CLUH: variants seen among roughly 807,000 people sequenced by gnomAD.
CLUH encodes clustered mitochondria protein homolog.
A neutral mutation model predicts 139.3 loss-of-function variants in CLUH; 77 were observed. That is an observed-to-expected ratio of 0.55 (90% confidence interval 0.46 to 0.67). The LOEUF (loss-of-function observed/expected upper bound fraction) is 0.67. Among genes scored for constraint, CLUH ranks in the 30% least tolerant of loss-of-function variants. CLUH has a pLI of 0.00. For synonymous variants in CLUH, 999 were observed against 801.6 expected, an observed-to-expected ratio of 1.25 and a Z score of -4.16; for missense variants, 1,876 against 1,875.8, an observed-to-expected ratio of 1.00 and a Z score of 0.00.
rs1028342589 is a variant in CLUH, at chr17:2,704,863, C to T, written c.101-299G>A. The stretch of plus-strand genomic sequence containing the variant: ...TCAAGCCAAGCCCGAGGGTCTCCTC[C>T]GGCCCTAACACACCTAGCTTCCCAG... On this transcript the variant is annotated intron_variant, in intron 1 of 25. Coordinates refer to ENST00000651024, the MANE Select transcript of CLUH (RefSeq NM_001366661.1). This position sits in a 1 kb window ranked among gnomAD's most constrained non-coding sequence, Gnocchi z 5.7. Among the ~76,000 whole-genome samples, 5 of 152,124 alleles carry T rather than the reference C, an allele frequency of 3.3e-5. No individual in the cohort carries two copies. The highest frequency in any genetic ancestry group is 2.6e-4 in the Admixed American group (4 of 15,280).
chr17:2,707,319 G>C lies in CLUH; in HGVS notation c.101-2755C>G, dbSNP rs2070379110. The C allele has an allele frequency of 6.1e-6, 6 of 985,418 alleles. No individual in the cohort carries two copies. The highest frequency in any genetic ancestry group is 5.2e-5 in the African/African-American group (3 of 57,360). The allele number at this position is 985,418 out of a possible 1,614,324, so 61.0% of individuals were successfully genotyped here. A position where few individuals can be genotyped will look rare whatever the true frequency, so the allele number is the denominator to read the frequency against. On this transcript the variant is annotated intron_variant, in intron 1 of 25. Transcript: ENST00000651024. The surrounding 1 kb of genome is among the most constrained non-coding windows in gnomAD (Gnocchi z 7.4). ...CGCTACCCTTGCCCTAATGCAGCCA[G>C]TCGGCCCGGGGCTGGAGCTCCGGCT...
In CLUH at chr17:2,706,138, G is replaced by A. The variant is rs762246325; in HGVS notation, c.101-1574C>T. Among the ~76,000 whole-genome samples, 1 of 152,080 alleles carries A rather than the reference G, an allele frequency of 6.6e-6. No individual in the cohort carries two copies. Among genetic ancestry groups the A allele is most frequent in the Non-Finnish European group, 1.5e-5 (1 of 68,014 alleles). On this transcript the variant is annotated intron_variant, in intron 1 of 25. Transcript: ENST00000651024. The surrounding 1 kb of genome is among the most constrained non-coding windows in gnomAD (Gnocchi z 4.6). ...CCTTCCCCACCCGGCTCTCAGGAGC[G>A]GGGACAGGTGCCTTTCCCAGAACTG... is the stretch of plus-strand genomic sequence containing the variant.
In CLUH at chr17:2,698,286, G is replaced by C. The variant is rs1371423708; in HGVS notation, c.1571C>G (p.Ser524Cys). ...DYRGYRVTAQ[S>C]IIPGILERDQ... ...CCGCTCCAGGATGCCGGGGATGATGGACTGGGCCGTGACCCGGTAGCCGCG... is the reference window on the plus strand; with the variant it reads ...CCGCTCCAGGATGCCGGGGATGATGCACTGGGCCGTGACCCGGTAGCCGCG... Residue 524 changes from serine to cysteine, a missense_variant, in exon 10 of 26, where the codon TCC (serine) becomes TGC (cysteine). Around this residue, in one of 3 missense-constraint regions of CLUH, gnomAD observed 1,454 missense variants for 1,384.4 expected, o/e 1.05. Coordinates refer to ENST00000651024, the MANE Select transcript of CLUH (RefSeq NM_001366661.1). 6.2e-7 allele frequency: 1 copy of C among 1,611,826 alleles called. No individual in the cohort carries two copies. Among genetic ancestry groups the C allele is most frequent in the South Asian group, 1.1e-5 (1 of 90,692 alleles).
intron 9 of CLUH, 143 bp downstream of exon 9, chr17:2,700,239 G>A (rs559217041): frequency 2.9e-5 from 20 of 694,340 alleles, no homozygotes; most frequent in African/African-American, 2.9e-4. Context: ...AGCAGACCCT[G>A]CGGGAGACGC....
chr17:2,691,273 A>AGCGGG (rs546364534), intron 25 of CLUH, among the ~76,000 whole-genome samples: 8 of 152,180 alleles, frequency 5.3e-5, no homozygotes, highest in African/African-American at 9.7e-5. Context: ...GGGGAAGATA[A>AGCGGG]GCGGGGCGGG....
In CLUH at chr17:2,696,220, TC is replaced by T; in HGVS notation, c.2329del (p.Asp777ThrfsTer6). 6.3e-7 allele frequency: 1 copy of T among 1,576,520 alleles called. No individual in the cohort carries two copies. The highest frequency in any genetic ancestry group is 8.6e-7 in the Non-Finnish European group (1 of 1,161,804). The part of the protein sequence containing the change: ...FPESCQDEVR[D>X]QKQLLKDAAA... ...CGCGTCCTTCAGCAGCTGCTTCTGG[TC>T]CCGAACTTCATCCTGGCAGGACTCA... On this transcript the variant is annotated frameshift_variant, in exon 13 of 26. Coordinates refer to ENST00000651024, the MANE Select transcript of CLUH (RefSeq NM_001366661.1). LOFTEE classifies it high-confidence loss of function.
Position 2,701,732 on chromosome 17 carries a change from C to T in CLUH, c.625G>A (p.Gly209Arg), listed in dbSNP as rs757349320. The T allele has an allele frequency of 5.1e-6, 8 of 1,564,316 alleles. No individual in the cohort carries two copies. The highest frequency in any genetic ancestry group is 1.2e-5 in the South Asian group (1 of 82,974). Residue 209 changes from glycine (G) to arginine (R), a missense_variant, in exon 5 of 26, where the codon GGG (glycine) becomes AGG (arginine). Coordinates refer to ENST00000651024, the MANE Select transcript of CLUH (RefSeq NM_001366661.1). ...VFTDGDLGDS[G>R]KRKKGLEMDP... Reference sequence around the variant, plus strand: ...ATCTCCAAGCCCTTCTTCCGCTTCCCGCTGTCTGAGGGACCCGAGGCTGGT... The same window carrying T: ...ATCTCCAAGCCCTTCTTCCGCTTCCTGCTGTCTGAGGGACCCGAGGCTGGT...
At chr17:2,692,191 C>A in intron 22 of CLUH, 94 bp from the exon 23 acceptor site, 1 of 1,456,454 alleles carries the variant, frequency 6.9e-7, no homozygotes, top group South Asian at 1.2e-5. Flanking sequence ...GTAGATCCCT[C>A]CCTGGAAGCC....
At chr17:2,692,129 G>A (rs1167757753) in intron 22 of CLUH, 32 bp from the exon 23 acceptor site, 17 of 1,559,554 alleles carry the variant, frequency 1.1e-5, no homozygotes, top group Non-Finnish European at 1.5e-5. Flanking sequence ...GGCGAGGGAA[G>A]GGCATAAGTG....
intron 9 of CLUH, 115 bp downstream of exon 9, chr17:2,700,267 A>C (rs2070127005): frequency 3.2e-6 from 3 of 926,688 alleles, no homozygotes; most frequent in Non-Finnish European, 4.9e-6. Context: ...CCTTCGGGGA[A>C]CCTGACAGGG....
In CLUH at chr17:2,689,428, G is replaced by A. The variant is rs531593193; in HGVS notation, c.*1166C>T. 5 of 152,816 alleles carry A rather than the reference G, an allele frequency of 3.3e-5. No individual in the cohort carries two copies. Among genetic ancestry groups the A allele is most frequent in the African/African-American group, 9.6e-5 (4 of 41,590 alleles). The allele number at this position is 152,816 out of a possible 1,614,324, so 9.5% of individuals were successfully genotyped here. A position where few individuals can be genotyped will look rare whatever the true frequency, so the allele number is the denominator to read the frequency against. On this transcript the variant is annotated 3_prime_UTR_variant, in exon 26 of 26. Transcript: ENST00000651024. ...CTCACTTTATTCCAATGTGAAATGA[G>A]GACGTGATGGTTTAAAAACAAGAAA...
chr17:2,707,118 G>A lies in CLUH; in HGVS notation c.101-2554C>T, dbSNP rs1409892059. The A allele has an allele frequency of 1.1e-6, 1 of 951,424 alleles. No individual in the cohort carries two copies. The highest frequency in any genetic ancestry group is 1.3e-6 in the Non-Finnish European group (1 of 798,978). The allele number at this position is 951,424 out of a possible 1,614,324, so 58.9% of individuals were successfully genotyped here. A position where few individuals can be genotyped will look rare whatever the true frequency, so the allele number is the denominator to read the frequency against. On this transcript the variant is annotated intron_variant, in intron 1 of 25. Coordinates refer to ENST00000651024, the MANE Select transcript of CLUH (RefSeq NM_001366661.1). The surrounding 1 kb of genome is among the most constrained non-coding windows in gnomAD (Gnocchi z 7.4). ...AAGGTCTCCCCACCCCTGGATGAAG[G>A]CTGAGCGATCTCCCCCGCAGGCAGC...
intron 1 of CLUH, among the ~76,000 whole-genome samples, chr17:2,709,868 G>T (rs989257941): frequency 3.9e-5 from 6 of 152,106 alleles, no homozygotes; most frequent in Non-Finnish European, 7.4e-5. Context: ...TCCCAGGGAC[G>T]TAGGAGCCCA....
intron 8 of CLUH, 62 bp downstream of exon 8, chr17:2,700,616 A>C: frequency 2.0e-6 from 3 of 1,527,000 alleles, no homozygotes; most frequent in Non-Finnish European, 2.6e-6. Flanking sequence ...AAGTGCACGG[A>C]ACCAGCCCAG....
chr17:2,697,012 C>T, intron 10 of CLUH, 70 bp from the exon 11 acceptor site: 1 of 1,264,942 alleles, frequency 7.9e-7, no homozygotes, highest in African/African-American at 1.5e-5. Context: ...GCCCACGGCT[C>T]CCGGCAGCTG....
At chr17:2,695,576 C>G in intron 13 of CLUH, 50 bp from the exon 14 acceptor site, 14 of 1,521,622 alleles carry the variant, frequency 9.2e-6, no homozygotes, top group Non-Finnish European at 1.1e-5. Flanking sequence ...TGCCTCCACC[C>G]AACTGAGTCC....
intron 1 of CLUH, among the ~76,000 whole-genome samples, chr17:2,705,090 A>G (rs1038451649): frequency 1.3e-5 from 2 of 151,706 alleles, no homozygotes; most frequent in African/African-American, 4.8e-5. Flanking sequence ...CACACGGCCA[A>G]TCCTGTCCTC....
rs2070048442 is a variant in CLUH at position 2,698,386 on chromosome 17, G to A, written c.1471C>T (p.Leu491=). 2 of 1,613,128 alleles carry A rather than the reference G, an allele frequency of 1.2e-6. No homozygotes were observed. The highest frequency in any genetic ancestry group is 1.3e-5 in the African/African-American group (1 of 74,926). ...VAAYVAPTND[L]NGVRTYNAVD... is the part of the protein sequence containing the mutation. Reference sequence around the variant, plus strand: ...GCGTTGTACGTGCGGACGCCATTCAGGTCGTTGGTGGGCGCCACGTAGGCC... The same window carrying A: ...GCGTTGTACGTGCGGACGCCATTCAAGTCGTTGGTGGGCGCCACGTAGGCC... The change falls in exon 10 of 26, where the codon CTG becomes TTG. Residue 491 remains leucine (L), a synonymous_variant. Coordinates refer to ENST00000651024, the MANE Select transcript of CLUH (RefSeq NM_001366661.1).
At position 2,707,346 on chromosome 17, in the gene CLUH, G is replaced by C. The variant is rs2070379442; in HGVS notation, c.101-2782C>G. The C allele has an allele frequency of 1.0e-6, 1 of 985,416 alleles. No individual in the cohort carries two copies. Among genetic ancestry groups the C allele is most frequent in the Non-Finnish European group, 1.2e-6 (1 of 829,922 alleles). 61.0% of individuals were successfully genotyped at this position (985,416 alleles called of 1,614,324 possible). A position where few individuals can be genotyped will look rare whatever the true frequency, so the allele number is the denominator to read the frequency against. ...CGGCCCGGGGCTGGAGCTCCGGCTG[G>C]CTTCGGGTTTCAGTGGGGCCAGGCC... On this transcript the variant is annotated intron_variant, in intron 1 of 25. Transcript: ENST00000651024. This position sits in a 1 kb window ranked among gnomAD's most constrained non-coding sequence, Gnocchi z 7.4.
Sources: gnomAD v4.1 joint callset for allele counts (sites outside exome capture counted in the v4.1 genomes callset) on GRCh38, gnomAD v4.1.1 for gene constraint, gnomAD v4.1.1 regional missense constraint, Gnocchi (gnomAD v3.1) non-coding constraint, MANE v1.5 for transcripts, NCBI Gene and HGNC (gene_info 2026-07-23, HGNC 2026-07-21) for gene names.